LYPLAL1: variants seen among roughly 807,000 people sequenced by gnomAD.
LYPLAL1 encodes lysophospholipase-like protein 1.
LYPLAL1 carries 23 observed loss-of-function variants against 19.7 expected under a neutral mutation model. That is an observed-to-expected ratio of 1.17 (90% CI 0.84 to 1.65). The LOEUF is 1.65. LYPLAL1 is among the 40% of genes most tolerant of loss of function. LYPLAL1 has a pLI of 0.00. For missense variants in LYPLAL1, 355 were observed against 279.4 expected (o/e 1.27, Z -1.93); for synonymous variants, 119 against 96.3 (o/e 1.24, Z -1.38).
At chr1:219,436,490 C>T in the LYPLAL1 span, among the ~76,000 whole-genome samples, 2 of 152,064 alleles carry the variant, frequency 1.3e-5, no homozygotes, top group African/African-American at 2.4e-5. Flanking sequence ...TGGCACTCCA[C>T]CTATTGTACC....
At chr1:219,330,892 G>A in the LYPLAL1 span, among the ~76,000 whole-genome samples, 1 of 152,150 alleles carries the variant, frequency 6.6e-6, no homozygotes, top group African/African-American at 2.4e-5. Flanking sequence ...GAGGTAACAA[G>A]CCTTGTTTAT....
the LYPLAL1 span, among the ~76,000 whole-genome samples, chr1:219,423,866 C>T: frequency 6.6e-6 from 1 of 151,472 alleles, no homozygotes; most frequent in Admixed American, 6.6e-5. Flanking sequence ...CCTTCTGGAT[C>T]CTTAGAGGTT....
At chr1:219,371,056 G>C in the LYPLAL1 span, among the ~76,000 whole-genome samples, 1 of 152,092 alleles carries the variant, frequency 6.6e-6, no homozygotes, top group Non-Finnish European at 1.5e-5. Context: ...CCATATCATC[G>C]TAGTTATATT....
At chr1:219,253,182 T>A in the LYPLAL1 span, among the ~76,000 whole-genome samples, 1 of 152,020 alleles carries the variant, frequency 6.6e-6, no homozygotes, top group South Asian at 2.1e-4. Flanking sequence ...TCTATTATCT[T>A]TTTTAATAGT....
intron 1 of LYPLAL1, chr1:219,174,378 G>A: frequency 1.2e-6 from 1 of 855,168 alleles, no homozygotes; most frequent in Non-Finnish European, 1.5e-6. Flanking sequence ...AGTCGTAATT[G>A]CCCATTGCTT....
the LYPLAL1 span, among the ~76,000 whole-genome samples, chr1:219,424,605 A>C: frequency 6.6e-6 from 1 of 152,186 alleles, no homozygotes; most frequent in Admixed American, 6.5e-5. Context: ...CAGAAATAAC[A>C]CATGTCCTGA....
At chr1:219,296,625 T>G in the LYPLAL1 span, among the ~76,000 whole-genome samples, 8 of 152,278 alleles carry the variant, frequency 5.3e-5, no homozygotes, top group Non-Finnish European at 8.8e-5. Context: ...ACACCCTTCT[T>G]TTATGAGTCA....
chr1:219,349,257 T>C, the LYPLAL1 span, among the ~76,000 whole-genome samples: 1 of 152,200 alleles, frequency 6.6e-6, no homozygotes, highest in Admixed American at 6.5e-5. Flanking sequence ...TTTAGGATGG[T>C]TATAGACATA....
chr1:219,405,438 G>A, the LYPLAL1 span, among the ~76,000 whole-genome samples: 381 of 152,262 alleles, frequency 2.5e-3, 1 homozygote, highest in Non-Finnish European at 4.9e-3. Flanking sequence ...CTTAGGAATA[G>A]ATGTTTCCCT....
At chr1:219,356,047 T>C in the LYPLAL1 span, among the ~76,000 whole-genome samples, 2 of 152,106 alleles carry the variant, frequency 1.3e-5, no homozygotes, top group Non-Finnish European at 2.9e-5. Context: ...GTGCATTGTA[T>C]CTGTCGTATT....
intron 3 of LYPLAL1, among the ~76,000 whole-genome samples, chr1:219,199,404 G>A (rs1657888986): frequency 6.6e-6 from 1 of 151,770 alleles, no homozygotes; most frequent in Admixed American, 6.6e-5. Flanking sequence ...GTACAAGTAA[G>A]CATGATCAAA....
chr1:219,346,627 AACTTT>A, the LYPLAL1 span, among the ~76,000 whole-genome samples: 1 of 152,184 alleles, frequency 6.6e-6, no homozygotes, highest in South Asian at 2.1e-4. Flanking sequence ...GTGTTGAACC[AACTTT>A]CCAGGACATC....
At chr1:219,423,506 C>T in the LYPLAL1 span, among the ~76,000 whole-genome samples, 2 of 152,130 alleles carry the variant, frequency 1.3e-5, no homozygotes, top group South Asian at 2.1e-4. Context: ...ATATATAAAA[C>T]CCTAATAACC....
At chr1:219,375,763 G>T in the LYPLAL1 span, among the ~76,000 whole-genome samples, 1 of 149,178 alleles carries the variant, frequency 6.7e-6, no homozygotes, top group African/African-American at 2.5e-5. Context: ...TGGCGTGGGG[G>T]CAGAGTCTCG....
intron 1 of LYPLAL1, 68 bp from the exon 2 acceptor site, chr1:219,179,079 T>G: frequency 1.8e-6 from 2 of 1,103,428 alleles, no homozygotes; most frequent in Non-Finnish European, 2.6e-6. Flanking sequence ...CATAAAAGTT[T>G]TAGACTGCTT....
chr1:219,383,479 G>C, the LYPLAL1 span, among the ~76,000 whole-genome samples: 1 of 152,140 alleles, frequency 6.6e-6, no homozygotes, highest in Non-Finnish European at 1.5e-5. Flanking sequence ...TACTTCAGGT[G>C]GTGTTCTCAA....
At chr1:219,293,481 T>C in the LYPLAL1 span, among the ~76,000 whole-genome samples, 1 of 151,902 alleles carries the variant, frequency 6.6e-6, no homozygotes, top group African/African-American at 2.4e-5. Context: ...AACTTGGCAA[T>C]TTAGTGCAAT....
At chr1:219,207,433 ATCAT>A (rs1658662685) in intron 3 of LYPLAL1, among the ~76,000 whole-genome samples, 1 of 151,998 alleles carries the variant, frequency 6.6e-6, no homozygotes, top group Non-Finnish European at 1.5e-5. Context: ...GAGCACACTA[ATCAT>A]TCATTCCTAG....
At chr1:219,370,072 T>C in the LYPLAL1 span, among the ~76,000 whole-genome samples, 7 of 152,210 alleles carry the variant, frequency 4.6e-5, no homozygotes, top group Non-Finnish European at 1.0e-4. Flanking sequence ...AGGGGCATGA[T>C]AGAAGCAAGA....
Sources: gnomAD v4.1 joint callset for allele counts (sites outside exome capture counted in the v4.1 genomes callset) on GRCh38, gnomAD v4.1.1 for gene constraint, MANE v1.5 for transcripts, NCBI Gene and HGNC (gene_info 2026-07-23, HGNC 2026-07-21) for gene names.